The following SSBP3 variants were observed in gnomAD, a reference collection of about 807,000 sequenced individuals.
The protein encoded by SSBP3 is single stranded DNA binding protein 3.
SSBP3 carries 5 observed loss-of-function variants against 69.6 expected under a neutral mutation model. The ratio of observed to expected loss-of-function variants is 0.07; its 90% CI spans 0.04 to 0.15. The LOEUF is 0.15. Among genes scored for constraint, SSBP3 ranks in the 10% least tolerant of loss-of-function variants. The pLI is 1.00. For synonymous variants in SSBP3, 196 were observed against 193.4 expected (o/e 1.01, Z -0.11); for missense variants, 312 against 534.0 (o/e 0.58, Z 4.10).
Position 54,258,052 on chromosome 1 carries a change from C to G in SSBP3, c.447+17G>C. The G allele has an allele frequency of 6.4e-7, 1 of 1,574,030 alleles. No homozygotes were observed. The highest frequency in any genetic ancestry group is 8.6e-7 in the Non-Finnish European group (1 of 1,161,326). On this transcript the variant is annotated intron_variant, in intron 6 of 17. Transcript: ENST00000610401. This position sits in a 1 kb window ranked among gnomAD's most constrained non-coding sequence, Gnocchi z 4.5. ...GCCCCGCGTCCCCGGCGGGCGGGAGCGCCACGGTGCGTTTACCTGACTGTG... is the reference window on the plus strand; with the variant it reads ...GCCCCGCGTCCCCGGCGGGCGGGAGGGCCACGGTGCGTTTACCTGACTGTG...
intron 4 of SSBP3, among the ~76,000 whole-genome samples, chr1:54,352,189 CCTCAGT>C (rs1284476995): frequency 6.9e-6 from 1 of 144,194 alleles, no homozygotes; most frequent in African/African-American, 2.6e-5. Context: ...AAAACAGTCC[CCTCAGT>C]CTGAAGAGCC....
chr1:54,353,082 C>G (rs1224212630), intron 4 of SSBP3, among the ~76,000 whole-genome samples: 1 of 152,214 alleles, frequency 6.6e-6, no homozygotes, highest in Non-Finnish European at 1.5e-5. Context: ...TTGGTTTCCT[C>G]GCCTGCACGG....
At chr1:54,318,491 T>C (rs1240792416) in intron 4 of SSBP3, among the ~76,000 whole-genome samples, 1 of 152,176 alleles carries the variant, frequency 6.6e-6, no homozygotes, top group Non-Finnish European at 1.5e-5. Flanking sequence ...GAGCCAATTC[T>C]GCTTTCCTCA....
intron 14 of SSBP3, among the ~76,000 whole-genome samples, chr1:54,231,979 C>A (rs1321053045): frequency 6.6e-6 from 1 of 152,210 alleles, no homozygotes; most frequent in Non-Finnish European, 1.5e-5. Flanking sequence ...TAGGTGTGAG[C>A]CACCATGCCC....
At chr1:54,266,812 CA>C (rs1235004434) in intron 5 of SSBP3, among the ~76,000 whole-genome samples, 1 of 152,166 alleles carries the variant, frequency 6.6e-6, no homozygotes, top group African/African-American at 2.4e-5. Context: ...GCTGTCACAC[CA>C]ACACCCTCCA....
intron 4 of SSBP3, among the ~76,000 whole-genome samples, chr1:54,290,537 G>A (rs899769100): frequency 6.6e-6 from 1 of 152,234 alleles, no homozygotes; most frequent in Non-Finnish European, 1.5e-5. Flanking sequence ...TTAGGAGGAA[G>A]TGAATTCCCT....
chr1:54,362,643 T>TCTG (rs1336624829), intron 4 of SSBP3, among the ~76,000 whole-genome samples: 3 of 152,332 alleles, frequency 2.0e-5, no homozygotes, highest in Non-Finnish European at 4.4e-5. Context: ...CCCCACCCTA[T>TCTG]AAGCTCCCGG....
At chr1:54,232,979 T>C (rs1228011060) in intron 14 of SSBP3, among the ~76,000 whole-genome samples, 2 of 152,236 alleles carry the variant, frequency 1.3e-5, no homozygotes, top group African/African-American at 2.4e-5. Flanking sequence ...AGTGCCGAGA[T>C]TGCAGCCTCT....
At chr1:54,345,424 A>T (rs1255731922) in intron 4 of SSBP3, among the ~76,000 whole-genome samples, 1 of 152,052 alleles carries the variant, frequency 6.6e-6, no homozygotes, top group Admixed American at 6.5e-5. Context: ...AGACCAAGGC[A>T]CTGGAAGAAC....
At chr1:54,375,402 A>C (rs1647203604) in intron 4 of SSBP3, among the ~76,000 whole-genome samples, 1 of 152,180 alleles carries the variant, frequency 6.6e-6, no homozygotes, top group Admixed American at 6.5e-5. Context: ...TGGACCAGCC[A>C]GACTGGGGTC....
At chr1:54,248,283 C>T (rs924603549) in intron 9 of SSBP3, among the ~76,000 whole-genome samples, 2 of 152,160 alleles carry the variant, frequency 1.3e-5, no homozygotes, top group African/African-American at 2.4e-5. Context: ...CCTGACAGCC[C>T]GGGCTGTGGC....
intron 4 of SSBP3, among the ~76,000 whole-genome samples, chr1:54,314,609 G>C (rs778271524): frequency 1.3e-5 from 2 of 152,208 alleles, no homozygotes; most frequent in Admixed American, 6.5e-5. Context: ...CTGATACCTT[G>C]AACATGCTTC....
At chr1:54,336,434 C>T (rs370215759) in intron 4 of SSBP3, among the ~76,000 whole-genome samples, 22 of 152,146 alleles carry the variant, frequency 1.4e-4, no homozygotes, top group African/African-American at 5.1e-4. Flanking sequence ...TCAATTCCTG[C>T]CCATTCTCGG....
chr1:54,253,093 T>C (rs1054218124), intron 7 of SSBP3, among the ~76,000 whole-genome samples: 2 of 152,002 alleles, frequency 1.3e-5, no homozygotes, highest in African/African-American at 2.4e-5. Context: ...GGAGCGGGTA[T>C]GTGTGGTTAA....
At chr1:54,402,939 GT>G (rs1649414043) in intron 3 of SSBP3, among the ~76,000 whole-genome samples, 1 of 152,208 alleles carries the variant, frequency 6.6e-6, no homozygotes, top group Admixed American at 6.5e-5. Context: ...CAAAACCAAA[GT>G]CCTACTCCTG....
intron 14 of SSBP3, chr1:54,238,717 C>T (rs1644546532): frequency 9.6e-6 from 3 of 313,498 alleles, no homozygotes; most frequent in Middle Eastern, 2.3e-3. Flanking sequence ...CGAGCCCTGT[C>T]CCCTTGCTGC....
intron 4 of SSBP3, among the ~76,000 whole-genome samples, chr1:54,398,708 A>ACCGTGACCCTCCTC (rs1008904997): frequency 1.3e-5 from 2 of 152,082 alleles, no homozygotes; most frequent in Admixed American, 6.6e-5. Context: ...TTACAATGGG[A>ACCGTGACCCTCCTC]CCGTGACCCT....
At chr1:54,353,952 A>G (rs959935770) in intron 4 of SSBP3, among the ~76,000 whole-genome samples, 2 of 152,168 alleles carry the variant, frequency 1.3e-5, no homozygotes, top group African/African-American at 4.8e-5. Context: ...TGCAGCACAG[A>G]GGGGACTGAC....
At chr1:54,341,852 G>A (rs1646614037) in intron 4 of SSBP3, among the ~76,000 whole-genome samples, 1 of 150,240 alleles carries the variant, frequency 6.7e-6, no homozygotes, top group African/African-American at 2.5e-5. Flanking sequence ...TGGAGAGCAG[G>A]GAGAGAGAGA....
Sources: allele counts gnomAD v4.1 joint callset (sites outside exome capture counted in the v4.1 genomes callset), GRCh38; gene constraint gnomAD v4.1.1; non-coding constraint Gnocchi (gnomAD v3.1); transcripts MANE v1.5; gene names NCBI Gene and HGNC (gene_info 2026-07-23, HGNC 2026-07-21).